Variants in NCKAP5 observed in about 807,000 individuals in gnomAD.
NCKAP5 encodes NCK associated protein 5, also known as nck-associated protein 5.
NCKAP5 carries 92 observed loss-of-function variants against 167.0 expected under a neutral mutation model. The observed-to-expected ratio is 0.55, with a 90% CI of 0.47 to 0.66. The LOEUF is 0.66. NCKAP5 is among the 30% of genes least tolerant of loss of function. The pLI is 0.00. For missense variants in NCKAP5, 2,378 were observed against 2,315.0 expected, an observed-to-expected ratio of 1.03 and a Z score of -0.56; for synonymous variants, 891 against 877.4, an observed-to-expected ratio of 1.02 and a Z score of -0.27.
At chr2:133,280,970 C>G (rs1297668982) in intron 4 of NCKAP5, among the ~76,000 whole-genome samples, 1 of 152,130 alleles carries the variant, frequency 6.6e-6, no homozygotes. Context: ...GGAATGCATA[C>G]TTTCAAAAAA....
chr2:133,494,278 T>C (rs2151364090), intron 3 of NCKAP5, among the ~76,000 whole-genome samples: 1 of 152,346 alleles, frequency 6.6e-6, no homozygotes, highest in Middle Eastern at 3.4e-3. Context: ...AGGCCTAATT[T>C]CTGTCTTATA....
chr2:133,630,572 C>T, the NCKAP5 span, among the ~76,000 whole-genome samples: 1 of 152,036 alleles, frequency 6.6e-6, no homozygotes, highest in African/African-American at 2.4e-5. Context: ...CAAACTTGCA[C>T]ATGCTGCATA....
rs979394850 is a variant in NCKAP5, at chr2:132,790,293, C to T, written c.910-88G>A. 5 of 1,185,148 alleles carry T rather than the reference C, an allele frequency of 4.2e-6. No individual in the cohort carries two copies. In the African/African-American group the frequency reaches 6.2e-5, roughly 15 times the overall value. The allele number at this position is 1,185,148 out of a possible 1,614,324, so 73.4% of individuals were successfully genotyped here. On this transcript the variant is annotated intron_variant, in intron 12 of 19. Transcript: ENST00000409261. ...CCTTATGGTGAGGTAGATGGGAATACAGATGCTCCTCAACTTATGGCAGGA... is the reference window on the plus strand; with the variant it reads ...CCTTATGGTGAGGTAGATGGGAATATAGATGCTCCTCAACTTATGGCAGGA...
chr2:133,448,506 T>C (rs761325512), intron 3 of NCKAP5, among the ~76,000 whole-genome samples: 2 of 152,212 alleles, frequency 1.3e-5, no homozygotes, highest in Non-Finnish European at 2.9e-5. Flanking sequence ...TGTATGTTCT[T>C]GGTTTGGTTT....
At chr2:133,660,663 A>G in the NCKAP5 span, among the ~76,000 whole-genome samples, 2 of 152,122 alleles carry the variant, frequency 1.3e-5, no homozygotes, top group Non-Finnish European at 2.9e-5. Flanking sequence ...GACTCCTCCA[A>G]AGACGTATTA....
At chr2:133,639,941 A>G in the NCKAP5 span, among the ~76,000 whole-genome samples, 1 of 152,222 alleles carries the variant, frequency 6.6e-6, no homozygotes, top group African/African-American at 2.4e-5. Context: ...CAACACAATT[A>G]GGAATGAAAA....
rs79601687 is a variant in NCKAP5, at chr2:133,285,704, G to A, written c.143+17333C>T. On this transcript the variant is annotated intron_variant, in intron 4 of 19. Coordinates refer to ENST00000409261, the MANE Select transcript of NCKAP5 (RefSeq NM_207363.3). The stretch of plus-strand genomic sequence containing the variant: ...CTCGAAGAATCTTAACGTATACCAC[G>A]GTAAACACCTACGGCACCCAACTCA... Among the ~76,000 whole-genome samples the A allele has an allele frequency of 2.0e-3, 298 of 152,228 alleles. 2 individuals carry two copies. The highest frequency in any genetic ancestry group is 6.7e-3 in the African/African-American group (277 of 41,530).
At chr2:132,888,666 C>T (rs981599927) in intron 8 of NCKAP5, among the ~76,000 whole-genome samples, 2 of 152,186 alleles carry the variant, frequency 1.3e-5, no homozygotes, top group South Asian at 4.1e-4. Context: ...GCTGGGATTA[C>T]AGGCGTGAGC....
At chr2:132,846,467 G>T (rs776840020) in intron 11 of NCKAP5, among the ~76,000 whole-genome samples, 7 of 152,000 alleles carry the variant, frequency 4.6e-5, no homozygotes, top group Admixed American at 6.6e-5. Flanking sequence ...ACCACGCCCG[G>T]CTAATTTTTG....
intron 3 of NCKAP5, among the ~76,000 whole-genome samples, chr2:133,404,797 T>A (rs2151033469): frequency 6.6e-6 from 1 of 152,366 alleles, no homozygotes; most frequent in African/African-American, 2.4e-5. Flanking sequence ...CACTAAGTGA[T>A]GTTACTAGCA....
intron 3 of NCKAP5, among the ~76,000 whole-genome samples, chr2:133,503,611 T>C (rs917913520): frequency 2.0e-5 from 3 of 152,206 alleles, no homozygotes; most frequent in South Asian, 2.1e-4. Flanking sequence ...GCAAAGGACT[T>C]TGGACACCAA....
chr2:133,116,487 CAAAAAAAAA>C (rs1176731938), intron 6 of NCKAP5, among the ~76,000 whole-genome samples: 3 of 7,146 alleles, frequency 4.2e-4, no homozygotes, highest in African/African-American at 1.3e-3. Flanking sequence ...GACTCCGTCT[CAAAAAAAAA>C]AAAAAAAAAA....
intron 4 of NCKAP5, chr2:133,284,560 C>G (rs1273001650): frequency 6.6e-6 from 1 of 152,180 alleles, no homozygotes; most frequent in Non-Finnish European, 1.5e-5. Context: ...GTGAAACTCT[C>G]CAAAGGCTGT....
chr2:132,880,744 T>C (rs1426540049), intron 8 of NCKAP5, among the ~76,000 whole-genome samples: 1 of 152,156 alleles, frequency 6.6e-6, no homozygotes, highest in Admixed American at 6.5e-5. Context: ...GACCCATAAA[T>C]ACAGAAAATA....
chr2:133,044,689 T>C (rs2079331556), intron 6 of NCKAP5, among the ~76,000 whole-genome samples: 1 of 152,094 alleles, frequency 6.6e-6, no homozygotes, highest in African/African-American at 2.4e-5. Flanking sequence ...AAGTTGAAAA[T>C]GAGCCAACAA....
At chr2:133,053,650 T>C (rs1680066182) in intron 6 of NCKAP5, among the ~76,000 whole-genome samples, 1 of 152,198 alleles carries the variant, frequency 6.6e-6, no homozygotes, top group South Asian at 2.1e-4. Context: ...CCCTTACCAT[T>C]GCTACTCTCT....
intron 8 of NCKAP5, among the ~76,000 whole-genome samples, chr2:132,943,119 T>C (rs937184536): frequency 5.3e-5 from 8 of 152,220 alleles, no homozygotes; most frequent in Non-Finnish European, 2.9e-5. Context: ...AACTGAGTTT[T>C]ACAATGTTAA....
At chr2:133,011,497 G>C (rs2078158753) in intron 6 of NCKAP5, among the ~76,000 whole-genome samples, 1 of 152,178 alleles carries the variant, frequency 6.6e-6, no homozygotes, top group South Asian at 2.1e-4. Flanking sequence ...GGTCCCCTAG[G>C]ACTTAATTAT....
rs1172275080 is a variant in NCKAP5, at chr2:132,725,745, T to A, written c.5595A>T (p.Arg1865Ser). The A allele has an allele frequency of 1.2e-6, 2 of 1,613,008 alleles. No individual in the cohort carries two copies. The highest frequency in any genetic ancestry group is 2.7e-5 in the African/African-American group (2 of 74,870). ...AATGTQDKAPRMCTYSASGGS... is the reference protein window; with the variant it reads ...AATGTQDKAPSMCTYSASGGS... ...CACCGCTGGCAGAGTACGTACACAT[T>A]CTGGGTGCCTTGTCCTAAATGAGTA... The change falls in exon 19 of 20, where the codon AGA becomes AGT. Residue 1865 changes from arginine to serine, a missense_variant. Coordinates refer to ENST00000409261, the MANE Select transcript of NCKAP5 (RefSeq NM_207363.3).
Sources: allele counts gnomAD v4.1 joint callset (sites outside exome capture counted in the v4.1 genomes callset), GRCh38; gene constraint gnomAD v4.1.1; transcripts MANE v1.5; gene names NCBI Gene and HGNC (gene_info 2026-07-23, HGNC 2026-07-21).